The following ADGRL2 variants were observed in gnomAD, a reference collection of about 807,000 sequenced individuals.
The protein encoded by ADGRL2 is adhesion G protein-coupled receptor L2, also known as calcium-independent alpha-latrotoxin receptor 2.
A neutral mutation model predicts 157.4 loss-of-function variants in ADGRL2; 44 were observed. The observed-to-expected ratio is 0.28, with a 90% CI of 0.22 to 0.36. The LOEUF (loss-of-function observed/expected upper bound fraction) is 0.36. Ranked by LOEUF, ADGRL2 falls within the 10% of genes least tolerant of loss-of-function variation. The pLI, the probability that ADGRL2 is intolerant of heterozygous loss-of-function variation, is 1.00. For synonymous variants in ADGRL2, 585 were observed against 624.7 expected, an observed-to-expected ratio of 0.94 and a Z score of 0.95; for missense variants, 1,510 against 1,768.9, an observed-to-expected ratio of 0.85 and a Z score of 2.63.
chr1:81,835,187 T>C (rs193112944), intron 1 of ADGRL2, among the ~76,000 whole-genome samples: 1 of 152,292 alleles, frequency 6.6e-6, no homozygotes, highest in Admixed American at 6.5e-5. Context: ...AGGCACTAGC[T>C]CATTCAAATC....
intron 2 of ADGRL2, among the ~76,000 whole-genome samples, chr1:81,861,882 CAAA>C (rs2093400310): frequency 6.7e-6 from 1 of 148,978 alleles, no homozygotes. Context: ...GACTCCATCT[CAAA>C]AGAAGAAAAA....
At chr1:81,422,855 C>T (rs2077149671) in intron 1 of ADGRL2, among the ~76,000 whole-genome samples, 1 of 152,132 alleles carries the variant, frequency 6.6e-6, no homozygotes, top group African/African-American at 2.4e-5. Context: ...TTAGAATAAG[C>T]AAAATGTTTG....
intron 2 of ADGRL2, among the ~76,000 whole-genome samples, chr1:81,465,559 T>G (rs955098828): frequency 3.3e-5 from 5 of 152,150 alleles, no homozygotes; most frequent in African/African-American, 9.7e-5. Context: ...AGTAGATTTT[T>G]CATTATTGAG....
intron 1 of ADGRL2, among the ~76,000 whole-genome samples, chr1:81,337,426 C>T (rs1011720385): frequency 2.0e-5 from 3 of 152,144 alleles, no homozygotes; most frequent in Non-Finnish European, 2.9e-5. Flanking sequence ...ACCCTGCACT[C>T]GCTCACCTTC....
intron 1 of ADGRL2, among the ~76,000 whole-genome samples, chr1:81,372,270 C>T (rs956096082): frequency 6.6e-6 from 1 of 152,062 alleles, no homozygotes; most frequent in Non-Finnish European, 1.5e-5. Flanking sequence ...AAAAAGTGAA[C>T]AAAAGTCTTC....
At chr1:81,517,115 T>C (rs12025362) in intron 2 of ADGRL2, among the ~76,000 whole-genome samples, 53,408 of 151,900 alleles carry the variant, frequency 0.35, 12,654 homozygotes, top group African/African-American at 0.67. Flanking sequence ...TAATAATTCT[T>C]ATTTTTTTCA....
intron 2 of ADGRL2, among the ~76,000 whole-genome samples, chr1:81,890,110 A>T (rs974660372): frequency 6.6e-6 from 1 of 152,186 alleles, no homozygotes; most frequent in African/African-American, 2.4e-5. Context: ...ATCTTTTGAT[A>T]GTTTCCTGAT....
intron 1 of ADGRL2, among the ~76,000 whole-genome samples, chr1:81,835,935 A>G (rs1269280688): frequency 6.6e-6 from 1 of 152,124 alleles, no homozygotes; most frequent in Non-Finnish European, 1.5e-5. Flanking sequence ...ATCAGGTTAC[A>G]TTATAATGAA....
At chr1:81,581,874 GCACACACACACACACA>G (rs869309464) in intron 3 of ADGRL2, among the ~76,000 whole-genome samples, 3 of 83,452 alleles carry the variant, frequency 3.6e-5, no homozygotes, top group African/African-American at 9.6e-5. Context: ...ACACATGCGC[GCACACACACACACACA>G]CACACACACA....
chr1:81,571,485 T>G (rs2080692068), intron 2 of ADGRL2, among the ~76,000 whole-genome samples: 1 of 149,930 alleles, frequency 6.7e-6, no homozygotes, highest in Admixed American at 6.7e-5. Flanking sequence ...ATTCAGTAGT[T>G]GGGTGGACTT....
chr1:81,770,445 G>A (rs1311894473), intron 2 of ADGRL2, among the ~76,000 whole-genome samples: 4 of 151,732 alleles, frequency 2.6e-5, no homozygotes, highest in Admixed American at 1.3e-4. Context: ...ACAGGCGTGA[G>A]CCACCACGCC....
At chr1:81,958,791 C>A (rs1654434894) in intron 11 of ADGRL2, among the ~76,000 whole-genome samples, 1 of 152,156 alleles carries the variant, frequency 6.6e-6, no homozygotes. Flanking sequence ...TCTCCTCTGA[C>A]CCTAGCCCTA....
At chr1:81,487,127 G>A (rs2078524636) in intron 2 of ADGRL2, among the ~76,000 whole-genome samples, 1 of 148,062 alleles carries the variant, frequency 6.8e-6, no homozygotes, top group Non-Finnish European at 1.5e-5. Flanking sequence ...AATCAGCCAG[G>A]TGTGGTGGTG....
chr1:81,849,118 A>T (rs1264065251), intron 2 of ADGRL2, among the ~76,000 whole-genome samples: 1 of 151,836 alleles, frequency 6.6e-6, no homozygotes, highest in African/African-American at 2.4e-5. Flanking sequence ...ATCTTGCTTT[A>T]TTTACCAGAA....
chr1:81,910,814 T>C (rs1235987439), intron 3 of ADGRL2, among the ~76,000 whole-genome samples: 1 of 152,022 alleles, frequency 6.6e-6, no homozygotes. Flanking sequence ...AAATGTGATA[T>C]TCAGTCATGT....
At chr1:81,613,187 A>G (rs1570638867) in intron 3 of ADGRL2, among the ~76,000 whole-genome samples, 1 of 152,308 alleles carries the variant, frequency 6.6e-6, no homozygotes, top group East Asian at 1.9e-4. Flanking sequence ...AACTGAGATC[A>G]TTTTACTTGT....
intron 3 of ADGRL2, among the ~76,000 whole-genome samples, chr1:81,928,641 G>T (rs996482915): frequency 4.6e-5 from 7 of 152,022 alleles, no homozygotes; most frequent in African/African-American, 1.7e-4. Flanking sequence ...TGAGGCTCAA[G>T]AATGCATGTA....
At chr1:81,461,775 A>G (rs1420589899) in intron 2 of ADGRL2, among the ~76,000 whole-genome samples, 1 of 152,200 alleles carries the variant, frequency 6.6e-6, no homozygotes, top group Non-Finnish European at 1.5e-5. Context: ...TCTGTAAAAC[A>G]GGCCAAAAAG....
intron 3 of ADGRL2, among the ~76,000 whole-genome samples, chr1:81,595,574 A>G (rs765300138): frequency 6.6e-6 from 1 of 152,206 alleles, no homozygotes; most frequent in Non-Finnish European, 1.5e-5. Flanking sequence ...ACCTAAGTAT[A>G]TTCAGTACTG....
Sources: allele counts gnomAD v4.1 joint callset (sites outside exome capture counted in the v4.1 genomes callset), GRCh38; gene constraint gnomAD v4.1.1; transcripts MANE v1.5; gene names NCBI Gene and HGNC (gene_info 2026-07-23, HGNC 2026-07-21).